Variants in SAXO1 observed in about 807,000 individuals in gnomAD.
SAXO1 encodes the protein 4930500O09Rik.
Under a neutral mutation model 17.5 loss-of-function variants are expected in SAXO1, and 21 were observed. The observed-to-expected ratio is 1.20, with a 90% CI of 0.85 to 1.72. The LOEUF is 1.72. SAXO1 is among the 40% of genes most tolerant of loss of function. The pLI, the probability that SAXO1 is intolerant of heterozygous loss-of-function variation, is 0.00. For missense variants in SAXO1, 843 were observed against 596.0 expected (o/e 1.41, Z -4.32); for synonymous variants, 274 against 216.5 (o/e 1.27, Z -2.33).
intron 3 of SAXO1, among the ~76,000 whole-genome samples, chr9:18,933,494 A>G (rs1831144675): frequency 6.6e-6 from 1 of 152,194 alleles, no homozygotes; most frequent in Non-Finnish European, 1.5e-5. Flanking sequence ...ATGCTTTACT[A>G]CTTTTTGTGT....
chr9:18,934,112 C>T (rs1831185265), intron 3 of SAXO1, among the ~76,000 whole-genome samples: 1 of 152,068 alleles, frequency 6.6e-6, no homozygotes, highest in Non-Finnish European at 1.5e-5. Context: ...TCTCTTTTGC[C>T]TCCTTCCAAA....
chr9:19,014,460 C>CAAAAAAAAAAA (rs375593725), intron 1 of SAXO1, among the ~76,000 whole-genome samples: 1 of 88,554 alleles, frequency 1.1e-5, no homozygotes, highest in Non-Finnish European at 2.1e-5. Context: ...AACTGTGTCT[C>CAAAAAAAAAAA]AAAAAAAAAA....
At chr9:18,929,814 A>G (rs542998965) in intron 3 of SAXO1, among the ~76,000 whole-genome samples, 1 of 152,356 alleles carries the variant, frequency 6.6e-6, no homozygotes, top group African/African-American at 2.4e-5. Context: ...CTAGAAGTGG[A>G]AAAGCACAAA....
chr9:18,944,649 C>G (rs915788010), intron 2 of SAXO1, among the ~76,000 whole-genome samples: 1 of 152,148 alleles, frequency 6.6e-6, no homozygotes, highest in African/African-American at 2.4e-5. Flanking sequence ...GAGTTAAACT[C>G]AGAGTTAAGT....
chr9:19,033,071 C>A lies in SAXO1; in HGVS notation c.-163G>T. On this transcript the variant is annotated 5_prime_UTR_variant, in exon 1 of 4. Transcript: ENST00000380534. ...AAGTGGCCCTTTTGCAATGTCCTGTCGTCTGTTGCCCTCCTGGAGCTGGCC... is the reference window on the plus strand; with the variant it reads ...AAGTGGCCCTTTTGCAATGTCCTGTAGTCTGTTGCCCTCCTGGAGCTGGCC... The A allele has an allele frequency of 1.5e-6, 1 of 654,028 alleles. No individual in the cohort carries two copies. The highest frequency in any genetic ancestry group is 3.1e-5 in the East Asian group (1 of 32,250). The allele number at this position is 654,028 out of a possible 1,614,324, so 40.5% of individuals were successfully genotyped here.
intron 3 of SAXO1, among the ~76,000 whole-genome samples, chr9:18,938,535 G>T (rs943647921): frequency 1.4e-4 from 22 of 152,092 alleles, no homozygotes; most frequent in African/African-American, 2.9e-4. Flanking sequence ...AAGGGGGCAG[G>T]GGGGTGCTAA....
At chr9:19,043,210 C>G (rs988061000) in intron 1 of SAXO1, among the ~76,000 whole-genome samples, 1 of 151,440 alleles carries the variant, frequency 6.6e-6, no homozygotes, top group Non-Finnish European at 1.5e-5. Flanking sequence ...ACTATTCAGC[C>G]ACAAAAAAAA....
intron 1 of SAXO1, among the ~76,000 whole-genome samples, chr9:18,989,937 T>C (rs1422471520): frequency 6.6e-6 from 1 of 152,200 alleles, no homozygotes; most frequent in East Asian, 1.9e-4. Context: ...TTAATTTTTT[T>C]TGAATATGCA....
intron 1 of SAXO1, among the ~76,000 whole-genome samples, chr9:18,998,631 C>A (rs566195785): frequency 1.3e-5 from 2 of 152,288 alleles, no homozygotes; most frequent in East Asian, 3.9e-4. Context: ...AAAGATACTC[C>A]ATGAGAAGAG....
At chr9:18,939,690 C>T (rs1030100456) in intron 3 of SAXO1, among the ~76,000 whole-genome samples, 2 of 152,136 alleles carry the variant, frequency 1.3e-5, no homozygotes, top group Non-Finnish European at 2.9e-5. Context: ...TTAGAAGACA[C>T]CAGGACTTCC....
intron 1 of SAXO1, among the ~76,000 whole-genome samples, chr9:18,962,375 G>A (rs1392889793): frequency 6.6e-6 from 1 of 152,148 alleles, no homozygotes; most frequent in African/African-American, 2.4e-5. Flanking sequence ...GCTCTCATTG[G>A]GGATTTGCAT....
chr9:19,032,943 G>C lies in SAXO1; in HGVS notation c.-35C>G. The C allele has an allele frequency of 6.3e-7, 1 of 1,595,334 alleles. No homozygotes were observed. Among genetic ancestry groups the C allele is most frequent in the Non-Finnish European group, 8.5e-7 (1 of 1,173,784 alleles). On this transcript the variant is annotated 5_prime_UTR_variant, in exon 1 of 4. Transcript: ENST00000380534. ...CCTGAGGCCCTGACGTCCCCTCAGA[G>C]CATCGCCAGCTGCAGCCGACTCCTA...
intron 1 of SAXO1, among the ~76,000 whole-genome samples, chr9:19,031,251 G>T (rs1308137257): frequency 6.6e-6 from 1 of 152,238 alleles, no homozygotes; most frequent in African/African-American, 2.4e-5. Flanking sequence ...GGAGGACACA[G>T]GAGGGTAATG....
chr9:18,989,285 G>C (rs376777710), intron 1 of SAXO1, among the ~76,000 whole-genome samples: 1 of 152,110 alleles, frequency 6.6e-6, no homozygotes, highest in Non-Finnish European at 1.5e-5. Flanking sequence ...TGAAGAGCAG[G>C]CTCCTACATC....
chr9:18,972,478 T>G (rs1832977608), intron 1 of SAXO1, among the ~76,000 whole-genome samples: 1 of 152,236 alleles, frequency 6.6e-6, no homozygotes, highest in Admixed American at 6.5e-5. Flanking sequence ...ACATTTGCAT[T>G]GACTGTGTGC....
intron 1 of SAXO1, among the ~76,000 whole-genome samples, chr9:19,012,463 T>C (rs1322444898): frequency 1.3e-5 from 2 of 152,216 alleles, no homozygotes; most frequent in African/African-American, 4.8e-5. Context: ...TACATGTGAA[T>C]GTAATCAACT....
At chr9:18,938,971 A>T (rs1242306070) in intron 3 of SAXO1, among the ~76,000 whole-genome samples, 2 of 151,802 alleles carry the variant, frequency 1.3e-5, no homozygotes, top group Non-Finnish European at 2.9e-5. Flanking sequence ...AGCAAGGAGC[A>T]TTTTTCACTC....
At chr9:18,964,187 G>C (rs7042535) in intron 1 of SAXO1, among the ~76,000 whole-genome samples, 81,631 of 152,064 alleles carry the variant, frequency 0.54, 25,256 homozygotes, top group Non-Finnish European at 0.69. Context: ...ATTTTAGTGA[G>C]GATTTTTGTA....
In SAXO1 at chr9:18,929,031, G is replaced by C. The variant is rs1227047648; in HGVS notation, c.446C>G (p.Pro149Arg). 1.9e-6 allele frequency: 3 copies of C among 1,614,122 alleles called. No homozygotes were observed. The highest frequency in any genetic ancestry group is 3.3e-5 in the Admixed American group (2 of 60,014). Residue 149 changes from proline (P) to arginine (R), a missense_variant, in exon 4 of 4, where the codon CCA (proline) becomes CGA (arginine). Physicochemically the swap from Pro to Arg is moderately radical, Grantham distance 103. Transcript: ENST00000380534. Reference sequence around the variant, plus strand: ...TTCCAGACGAAGTGGCTCTCGCCTTGGTTGGTTCCAAGGCAAATAATCAGC... The same window carrying C: ...TTCCAGACGAAGTGGCTCTCGCCTTCGTTGGTTCCAAGGCAAATAATCAGC... ...YKADYLPWNQ[P>R]RREPLRLEHK...
Sources: gnomAD v4.1 joint callset for allele counts (sites outside exome capture counted in the v4.1 genomes callset) on GRCh38, gnomAD v4.1.1 for gene constraint, MANE v1.5 for transcripts, NCBI Gene and HGNC (gene_info 2026-07-23, HGNC 2026-07-21) for gene names.